The following DMD variants were observed in gnomAD, a reference collection of about 807,000 sequenced individuals.
DMD encodes mutant dystrophin.
In DMD, 63 loss-of-function variants were observed where a neutral mutation model predicts 330.1. That is an observed-to-expected ratio of 0.19 (90% CI 0.16 to 0.24). The LOEUF (loss-of-function observed/expected upper bound fraction) is 0.24. Among genes scored for constraint, DMD ranks in the 10% least tolerant of loss-of-function variants. The probability of loss-of-function intolerance (pLI) is 1.00; values close to 1 mark genes in which losing one functional copy is unlikely to be tolerated. For synonymous variants in DMD, 1,223 were observed against 959.8 expected (o/e 1.27, Z -5.07); for missense variants, 3,344 against 2,684.1 (o/e 1.25, Z -5.43).
chrX:31,796,525 G>A (rs2091839738), intron 50 of DMD, among the ~76,000 whole-genome samples: 2 of 112,351 alleles, frequency 1.8e-5, no homozygotes, highest in East Asian at 5.6e-4. Flanking sequence ...CTACGTGGTA[G>A]CTTGTCAGCA....
At chrX:31,841,974 G>T (rs992067673) in intron 48 of DMD, among the ~76,000 whole-genome samples, 2 of 110,951 alleles carry the variant, frequency 1.8e-5, no homozygotes, top group African/African-American at 6.5e-5. Flanking sequence ...AGTACATTTT[G>T]TAAGGCTATA....
chrX:32,409,703 A>G (rs1392557997), intron 30 of DMD, among the ~76,000 whole-genome samples: 1 of 112,069 alleles, frequency 8.9e-6, no homozygotes, highest in Admixed American at 9.5e-5. Context: ...AATGTCTAGT[A>G]TTCATACTGC....
intron 1 of DMD, among the ~76,000 whole-genome samples, chrX:33,069,849 A>G (rs952681391): frequency 1.8e-5 from 2 of 111,815 alleles, no homozygotes; most frequent in Non-Finnish European, 3.8e-5. Flanking sequence ...AAAACCATCC[A>G]TAAAAGTCCT....
rs143429366 is a variant in DMD at position 32,644,953 on chromosome X, T to C, written c.1149+11A>G. On this transcript the variant is annotated intron_variant, in intron 10 of 78. Transcript: ENST00000357033. Reference sequence around the variant, plus strand: ...ATATGTTTTGTTTTGTAAATTAACGTTTTAGTTTACCTCATGAGTATGAAA... The same window carrying C: ...ATATGTTTTGTTTTGTAAATTAACGCTTTAGTTTACCTCATGAGTATGAAA... The C allele has an allele frequency of 1.9e-5, 23 of 1,207,009 alleles. No individual in the cohort carries two copies. The highest frequency in any genetic ancestry group is 2.6e-5 in the Non-Finnish European group (23 of 892,535).
intron 4 of DMD, among the ~76,000 whole-genome samples, chrX:32,836,146 C>T (rs1436906723): frequency 9.1e-6 from 1 of 109,446 alleles, no homozygotes; most frequent in Non-Finnish European, 1.9e-5. Context: ...ATTCTCATGC[C>T]TCAGCCTCCC....
intron 45 of DMD, among the ~76,000 whole-genome samples, chrX:31,935,416 G>C (rs1417887754): frequency 9.0e-6 from 1 of 111,704 alleles, no homozygotes; most frequent in Non-Finnish European, 1.9e-5. Context: ...GTTTGTTTTA[G>C]AATGTGGAAC....
intron 48 of DMD, among the ~76,000 whole-genome samples, chrX:31,873,490 A>G (rs1357145916): frequency 1.8e-5 from 2 of 111,748 alleles, no homozygotes; most frequent in Non-Finnish European, 1.9e-5. Flanking sequence ...CAACAGCTAA[A>G]TGGAGATTAA....
chrX:33,287,523 T>C (rs2053451406), intron 1 of DMD, among the ~76,000 whole-genome samples: 1 of 111,792 alleles, frequency 8.9e-6, no homozygotes, highest in Admixed American at 9.6e-5. Flanking sequence ...AGGATATTTA[T>C]TATATTTTTA....
chrX:32,449,366 C>T (rs1172089376), intron 26 of DMD, among the ~76,000 whole-genome samples: 2 of 110,064 alleles, frequency 1.8e-5, no homozygotes, highest in Non-Finnish European at 3.8e-5. Context: ...ATCAACATTA[C>T]CCAAACCACA....
intron 2 of DMD, among the ~76,000 whole-genome samples, chrX:32,851,767 G>A (rs2081156093): frequency 8.9e-6 from 1 of 112,031 alleles, no homozygotes; most frequent in Non-Finnish European, 1.9e-5. Context: ...GCAGGATTGT[G>A]AAACGTTGCA....
At chrX:32,782,315 T>A (rs1265315700) in intron 7 of DMD, among the ~76,000 whole-genome samples, 1 of 111,507 alleles carries the variant, frequency 9.0e-6, no homozygotes, top group East Asian at 2.8e-4. Context: ...AAACTAAGAA[T>A]AGTTTCAATA....
At chrX:32,521,174 G>T (rs1314238744) in intron 17 of DMD, among the ~76,000 whole-genome samples, 3 of 111,544 alleles carry the variant, frequency 2.7e-5, no homozygotes, top group Non-Finnish European at 5.7e-5. Context: ...CCAATTTCTA[G>T]TATTTGTTTA....
At chrX:31,591,558 GATGT>G (rs777179623) in intron 55 of DMD, among the ~76,000 whole-genome samples, 1 of 111,325 alleles carries the variant, frequency 9.0e-6, no homozygotes, top group East Asian at 2.8e-4. Context: ...TTTTGTGATT[GATGT>G]ATGATGCAAT....
intron 2 of DMD, among the ~76,000 whole-genome samples, chrX:32,850,109 G>A (rs2081016726): frequency 9.0e-6 from 1 of 111,562 alleles, no homozygotes; most frequent in South Asian, 3.7e-4. Flanking sequence ...ATGAAGGAGA[G>A]AAAAAATACA....
intron 11 of DMD, among the ~76,000 whole-genome samples, chrX:32,637,608 A>G (rs2059186856): frequency 8.9e-6 from 1 of 111,931 alleles, no homozygotes. Context: ...TAATTTATAA[A>G]GAAAACAAGT....
At chrX:32,286,501 C>A (rs1415578763) in intron 43 of DMD, among the ~76,000 whole-genome samples, 1 of 111,437 alleles carries the variant, frequency 9.0e-6, no homozygotes, top group Admixed American at 9.6e-5. Flanking sequence ...TGCTATAGGG[C>A]AGGCACGAAG....
In DMD at chrX:32,363,064, GAGAA is replaced by G. The variant is rs1000286852; in HGVS notation, c.5155-110_5155-107del. The G allele has an allele frequency of 1.7e-5, 13 of 749,869 alleles. 1 individual carries two copies. The highest frequency in any genetic ancestry group is 1.7e-4 in the African/African-American group (8 of 47,411). 61.8% of individuals were successfully genotyped at this position (749,869 alleles called of 1,213,427 possible). A position where few individuals can be genotyped will look rare whatever the true frequency, so the allele number is the denominator to read the frequency against. ...GAGTGAGCAAGTGAGCGAGAAGAGT[GAGAA>G]AGAGAGAGAGAGAAAGTAAGAAAAT... is the stretch of plus-strand genomic sequence containing the variant. On this transcript the variant is annotated intron_variant, in intron 36 of 78. Transcript: ENST00000357033.
At chrX:33,264,500 G>T (rs1055912670) in intron 1 of DMD, among the ~76,000 whole-genome samples, 2 of 110,731 alleles carry the variant, frequency 1.8e-5, no homozygotes, top group African/African-American at 6.6e-5. Flanking sequence ...GACTGGGCCA[G>T]ATTTAAGATT....
At chrX:32,707,029 T>C (rs1381849862) in intron 7 of DMD, among the ~76,000 whole-genome samples, 2 of 109,117 alleles carry the variant, frequency 1.8e-5, no homozygotes, top group Non-Finnish European at 3.8e-5. Flanking sequence ...GAGGCAGAGA[T>C]GACGGTGAGC....
Sources: allele counts gnomAD v4.1 joint callset (sites outside exome capture counted in the v4.1 genomes callset), GRCh38; gene constraint gnomAD v4.1.1; transcripts MANE v1.5; gene names NCBI Gene and HGNC (gene_info 2026-07-23, HGNC 2026-07-21).